Variants in DHX57 observed in about 807,000 individuals in gnomAD.
DHX57 encodes the protein DExH-box helicase 57, also known as putative ATP-dependent RNA helicase DHX57.
In DHX57, 105 loss-of-function variants were observed where a neutral mutation model predicts 156.2. The observed-to-expected ratio is 0.67, with a 90% CI of 0.57 to 0.79. The LOEUF (loss-of-function observed/expected upper bound fraction) is 0.79. Ranked by LOEUF, DHX57 falls within the 30% of genes least tolerant of loss-of-function variation. The pLI is 0.00. For synonymous variants in DHX57, 704 were observed against 595.6 expected (o/e 1.18, Z -2.65); for missense variants, 1,847 against 1,661.9 (o/e 1.11, Z -1.94).
At chr2:38,801,395 G>C (rs1463162764) in intron 23 of DHX57, among the ~76,000 whole-genome samples, 2 of 140,754 alleles carry the variant, frequency 1.4e-5, no homozygotes, top group Non-Finnish European at 3.1e-5. Context: ...TCCACCTGAA[G>C]TTTTATCTAT....
intron 20 of DHX57, 86 bp downstream of exon 20, chr2:38,815,435 A>C: frequency 1.3e-6 from 2 of 1,549,340 alleles, no homozygotes; most frequent in Non-Finnish European, 8.8e-7. Flanking sequence ...GCTTAAGTGA[A>C]GAAGAATGTC....
chr2:38,837,122 T>G (rs1671718499), intron 13 of DHX57, among the ~76,000 whole-genome samples: 1 of 152,152 alleles, frequency 6.6e-6, no homozygotes. Context: ...GTGCTGGGAT[T>G]ACAAGTGTGA....
chr2:38,810,115 A>G (rs1188232976), intron 21 of DHX57, among the ~76,000 whole-genome samples: 1 of 151,216 alleles, frequency 6.6e-6, no homozygotes, highest in Non-Finnish European at 1.5e-5. Flanking sequence ...GGCTGGTCTC[A>G]AACTCCTGAC....
chr2:38,826,121 T>G (rs971730560), intron 15 of DHX57, 74 bp from the exon 16 acceptor site: 455 of 1,447,238 alleles, frequency 3.1e-4, no homozygotes, highest in Non-Finnish European at 3.9e-4. Context: ...ATGGACAGAA[T>G]AGATGAACCA....
rs1435672585 is a variant in DHX57, at chr2:38,861,282, G to T, written c.1128C>A (p.Ser376=). The T allele has an allele frequency of 6.2e-7, 1 of 1,614,124 alleles. No homozygotes were observed. Residue 376 remains serine, a synonymous_variant, in exon 5 of 24, where the codon TCC becomes TCA. Transcript: ENST00000457308. ...PYQAPLVAFY[S]TNENLPLACR... The stretch of plus-strand genomic sequence containing the variant: ...AAGCCAGAGGTAGGTTCTCATTGGT[G>T]GAATAAAATGCCACGAGCGGAGCTT...
chr2:38,861,036 A>T lies in DHX57; in HGVS notation c.1374T>A (p.Ile458=). The T allele has an allele frequency of 6.2e-7, 1 of 1,613,878 alleles. No individual in the cohort carries two copies. Among genetic ancestry groups the T allele is most frequent in the Non-Finnish European group, 8.5e-7 (1 of 1,179,934 alleles). The change falls in exon 5 of 24, where the codon ATT becomes ATA. Residue 458 remains isoleucine (I), a synonymous_variant. Coordinates refer to ENST00000457308, the MANE Select transcript of DHX57 (RefSeq NM_198963.3). ...INNPACHKTV[I]PNNSFVSNQI... ...GATTAGAAACAAAAGAATTATTTGG[A>T]ATCACTGTTTTATGACAGGCAGGAT...
chr2:38,819,577 G>A (rs1670713970), intron 17 of DHX57, among the ~76,000 whole-genome samples: 1 of 152,192 alleles, frequency 6.6e-6, no homozygotes, highest in African/African-American at 2.4e-5. Context: ...TAATCAGTGG[G>A]TCAGCTAATG....
rs1670902580 is a variant in DHX57 at position 38,823,003 on chromosome 2, T to C, written c.3281A>G (p.Lys1094Arg). 1 of 1,613,874 alleles carries C rather than the reference T, an allele frequency of 6.2e-7. No homozygotes were observed. The highest frequency in any genetic ancestry group is 1.3e-5 in the African/African-American group (1 of 74,880). The change falls in exon 17 of 24, where the codon AAG (lysine) becomes AGG (arginine). Residue 1094 changes from lysine to arginine, a missense_variant. Coordinates refer to ENST00000457308, the MANE Select transcript of DHX57 (RefSeq NM_198963.3). ...ATGTTGTTTACTTACAAACGGAGAC[T>C]TAAAAGCCAAACTGGCAGCAATGGT... ...ALTIAASLAF[K>R]SPFVSPWDKK...
At chr2:38,801,170 A>T (rs762951571) in intron 23 of DHX57, among the ~76,000 whole-genome samples, 1 of 152,172 alleles carries the variant, frequency 6.6e-6, no homozygotes, top group Non-Finnish European at 1.5e-5. Flanking sequence ...AATTTCTTTT[A>T]ATGTTTGAGT....
At chr2:38,869,556 T>C (rs1352172909) in intron 1 of DHX57, among the ~76,000 whole-genome samples, 1 of 152,256 alleles carries the variant, frequency 6.6e-6, no homozygotes, top group African/African-American at 2.4e-5. Context: ...CAGAGCATTG[T>C]TGAAAACAAT....
At chr2:38,838,934 A>T (rs374932868) in intron 12 of DHX57, 3 of 248,798 alleles carry the variant, frequency 1.2e-5, no homozygotes, top group South Asian at 3.8e-5. Flanking sequence ...TTATTTTTTT[A>T]TTTTATTTTA....
At chr2:38,816,784 CAA>C (rs1179884661) in intron 19 of DHX57, among the ~76,000 whole-genome samples, 1 of 152,010 alleles carries the variant, frequency 6.6e-6, no homozygotes, top group African/African-American at 2.4e-5. Flanking sequence ...TATTTCATGA[CAA>C]AGTTTTAATT....
intron 9 of DHX57, among the ~76,000 whole-genome samples, chr2:38,849,547 TAAA>T (rs10574818): frequency 2.0e-5 from 3 of 150,622 alleles, no homozygotes; most frequent in Admixed American, 6.6e-5. Context: ...CCCCATCTCT[TAAA>T]AAAAAAAAAG....
chr2:38,848,865 C>G (rs1407851697), intron 9 of DHX57, among the ~76,000 whole-genome samples: 2 of 152,158 alleles, frequency 1.3e-5, no homozygotes, highest in South Asian at 2.1e-4. Context: ...CATGTCAGCA[C>G]TCAAGAAGTT....
At chr2:38,831,892 C>T (rs113750892) in intron 13 of DHX57, among the ~76,000 whole-genome samples, 1,987 of 150,612 alleles carry the variant, frequency 0.013, 17 homozygotes, top group Middle Eastern at 0.038. Context: ...CATGGTGGTG[C>T]ACACCTGTAG....
At position 38,848,309 on chromosome 2, in the gene DHX57, A is replaced by T. The variant is rs1446569720; in HGVS notation, c.2124T>A (p.Phe708Leu). 6.2e-7 allele frequency: 1 copy of T among 1,610,432 alleles called. No individual in the cohort carries two copies. Among genetic ancestry groups the T allele is most frequent in the Non-Finnish European group, 8.5e-7 (1 of 1,178,536 alleles). The change falls in exon 10 of 24, where the codon TTT becomes TTA. Residue 708 changes from phenylalanine (F) to leucine (L), a missense_variant. Transcript: ENST00000457308. ...LMSATLNAELFSDYFNSCPVI... is the reference protein window; with the variant it reads ...LMSATLNAELLSDYFNSCPVI... ...CGGGGCAGGAATTAAAATAGTCTGA[A>T]AAAAGCTCAGCGTTTAGAGTTGCAC...
At position 38,861,219 on chromosome 2, in the gene DHX57, G is replaced by A; in HGVS notation, c.1191C>T (p.Ala397=). 2 of 1,614,120 alleles carry A rather than the reference G, an allele frequency of 1.2e-6. No homozygotes were observed. Among genetic ancestry groups the A allele is most frequent in the Non-Finnish European group, 1.7e-6 (2 of 1,180,008 alleles). The part of the protein sequence containing the change: ...LHISEFLYDK[A]LTFAETSEPV... ...GTTCCGAAGTTTCCGCAAATGTCAA[G>A]GCCTTGTCATAAAGAAACTCAGAAA... The change falls in exon 5 of 24, where the codon GCC becomes GCT. Residue 397 remains alanine, a synonymous_variant. Transcript: ENST00000457308.
chr2:38,851,577 A>G (rs1006678534), intron 9 of DHX57, among the ~76,000 whole-genome samples: 1 of 152,128 alleles, frequency 6.6e-6, no homozygotes, highest in Non-Finnish European at 1.5e-5. Flanking sequence ...CTTTATTCAG[A>G]TGTGAACATC....
intron 12 of DHX57, 141 bp downstream of exon 12, chr2:38,842,863 TC>T (rs1212310524): frequency 1.2e-6 from 1 of 823,140 alleles, no homozygotes; most frequent in African/African-American, 1.7e-5. Context: ...GAACTATTTT[TC>T]TAGGTTTAAG....
Sources: allele counts gnomAD v4.1 joint callset (sites outside exome capture counted in the v4.1 genomes callset), GRCh38; gene constraint gnomAD v4.1.1; transcripts MANE v1.5; gene names NCBI Gene and HGNC (gene_info 2026-07-23, HGNC 2026-07-21).